ADAMTS9: variants seen among roughly 807,000 people sequenced by gnomAD.
ADAMTS9 encodes the protein A disintegrin and metalloproteinase with thrombospondin motifs 9.
ADAMTS9 carries 107 observed loss-of-function variants against 257.1 expected under a neutral mutation model. The ratio of observed to expected loss-of-function variants is 0.42; its 90% CI spans 0.36 to 0.49. ADAMTS9 has a LOEUF of 0.49. Ranked by LOEUF, ADAMTS9 falls within the 20% of genes least tolerant of loss-of-function variation. The pLI, the probability that ADAMTS9 is intolerant of heterozygous loss-of-function variation, is 0.03. For synonymous variants in ADAMTS9, 982 were observed against 880.9 expected (o/e 1.11, Z -2.03); for missense variants, 2,353 against 2,469.1 (o/e 0.95, Z 1.00).
chr3:64,529,659 G>C (rs2082952227), intron 38 of ADAMTS9, among the ~76,000 whole-genome samples: 1 of 152,304 alleles, frequency 6.6e-6, no homozygotes, highest in Middle Eastern at 3.4e-3. Context: ...TTATTTGGGG[G>C]AAATTACAAG....
chr3:64,546,459 C>A (rs1021040064), intron 32 of ADAMTS9, among the ~76,000 whole-genome samples: 7 of 152,160 alleles, frequency 4.6e-5, no homozygotes, highest in Admixed American at 6.5e-5. Context: ...ACCAGTTTTG[C>A]AGATGAGAAA....
intron 3 of ADAMTS9, among the ~76,000 whole-genome samples, chr3:64,664,938 C>T (rs1458549432): frequency 6.6e-6 from 1 of 152,042 alleles, no homozygotes; most frequent in Non-Finnish European, 1.5e-5. Context: ...TTTCATGTTT[C>T]TTTTTCTTTG....
intron 19 of ADAMTS9, among the ~76,000 whole-genome samples, chr3:64,617,208 T>C (rs764030091): frequency 3.9e-5 from 6 of 152,204 alleles, no homozygotes; most frequent in Non-Finnish European, 5.9e-5. Flanking sequence ...TGTGGCCCAA[T>C]TTAACAGAAG....
chr3:64,683,566 G>A (rs1701812443), intron 2 of ADAMTS9, among the ~76,000 whole-genome samples: 1 of 152,130 alleles, frequency 6.6e-6, no homozygotes, highest in African/African-American at 2.4e-5. Context: ...TGGGTTCTTG[G>A]AGGATTTGGA....
At chr3:64,668,657 T>C (rs1701407932) in intron 3 of ADAMTS9, among the ~76,000 whole-genome samples, 1 of 152,162 alleles carries the variant, frequency 6.6e-6, no homozygotes, top group African/African-American at 2.4e-5. Flanking sequence ...TAGGAAGTCC[T>C]CTGGAGGCAC....
intron 39 of ADAMTS9, among the ~76,000 whole-genome samples, chr3:64,518,405 G>T (rs1410532546): frequency 6.6e-6 from 1 of 152,140 alleles, no homozygotes; most frequent in Non-Finnish European, 1.5e-5. Flanking sequence ...TGGGTCACAT[G>T]AATTGGTTGA....
At chr3:64,589,701 C>A (rs2084223617) in intron 28 of ADAMTS9, 1 of 152,126 alleles carries the variant, frequency 6.6e-6, no homozygotes, top group Non-Finnish European at 1.5e-5. Flanking sequence ...ACCATAATAA[C>A]CTATACTGCA....
Position 64,615,491 on chromosome 3 carries a change from G to A in ADAMTS9, c.3025-6C>T. ...CCGTCACAGCTTTTTGAACACTGTA[G>A]GGACAAAATAAATAAATAAAACTGT... is the stretch of plus-strand genomic sequence containing the variant. On this transcript the variant is annotated splice_polypyrimidine_tract_variant and splice_region_variant and intron_variant, in intron 20 of 39. Coordinates refer to ENST00000498707, the MANE Select transcript of ADAMTS9 (RefSeq NM_182920.2). 1 of 1,598,556 alleles carries A rather than the reference G, an allele frequency of 6.3e-7. No homozygotes were observed. Among genetic ancestry groups the A allele is most frequent in the Non-Finnish European group, 8.5e-7 (1 of 1,175,036 alleles).
chr3:64,648,977 C>T (rs371074959), intron 10 of ADAMTS9, among the ~76,000 whole-genome samples: 22 of 152,254 alleles, frequency 1.4e-4, no homozygotes, highest in Middle Eastern at 3.4e-3. Flanking sequence ...TCTCTGAAGA[C>T]ACTCCCAGCA....
At chr3:64,589,108 C>CA (rs1203691932) in intron 28 of ADAMTS9, 1 of 152,106 alleles carries the variant, frequency 6.6e-6, no homozygotes, top group African/African-American at 2.4e-5. Context: ...TCCTTATAGT[C>CA]AAAATCTTGA....
chr3:64,561,066 T>C (rs1216282914), intron 30 of ADAMTS9, among the ~76,000 whole-genome samples: 1 of 72,122 alleles, frequency 1.4e-5, no homozygotes, highest in African/African-American at 8.7e-5. Context: ...GATACCATCC[T>C]TTTTTTTTTT....
In ADAMTS9 at chr3:64,541,893, T is replaced by C. The variant is rs370145122; in HGVS notation, c.5142A>G (p.Leu1714=). Residue 1714 remains leucine, a synonymous_variant, in exon 33 of 40, where the codon TTA becomes TTG. Coordinates refer to ENST00000498707, the MANE Select transcript of ADAMTS9 (RefSeq NM_182920.2). ...CLTNEDQPSH[L]CHTDLKPEER... is the part of the protein sequence containing the mutation. ...CTTCTGGCTTCAGATCAGTGTGGCA[T>C]AAGTGGCTGGGTTGGTCCTCATTGG... 9.9e-6 allele frequency: 16 copies of C among 1,614,182 alleles called. No individual in the cohort carries two copies. The highest frequency in any genetic ancestry group is 8.8e-5 in the South Asian group (8 of 91,082).
At chr3:64,599,719 A>AC (rs2084424628) in intron 26 of ADAMTS9, among the ~76,000 whole-genome samples, 1 of 152,168 alleles carries the variant, frequency 6.6e-6, no homozygotes, top group South Asian at 2.1e-4. Flanking sequence ...TCCCTTAGTT[A>AC]CCCCTCTATC....
Position 64,686,596 on chromosome 3 carries a change from G to A in ADAMTS9, c.488C>T (p.Thr163Met), listed in dbSNP as rs1362160149. 5 of 1,612,448 alleles carry A rather than the reference G, an allele frequency of 3.1e-6. No homozygotes were observed. Among genetic ancestry groups the A allele is most frequent in the Non-Finnish European group, 4.2e-6 (5 of 1,179,422 alleles). The stretch of plus-strand genomic sequence containing the variant: ...TCCTGAGCAGAGGCTGATGACGGCC[G>A]TGTGCTCGGAGTTGGTATTGACATA... ...KGYVNTNSEH[T>M]AVISLCSGML... Residue 163 changes from threonine (T) to methionine (M), a missense_variant, in exon 2 of 40, where the codon ACG (threonine) becomes ATG (methionine). This residue lies in a region of ADAMTS9 where 591 missense variants were observed against 569.6 expected (regional missense o/e 1.04). Coordinates refer to ENST00000498707, the MANE Select transcript of ADAMTS9 (RefSeq NM_182920.2). The surrounding 1 kb of genome is among the most constrained non-coding windows in gnomAD (Gnocchi z 4.6).
intron 3 of ADAMTS9, among the ~76,000 whole-genome samples, chr3:64,677,882 A>T (rs1701660689): frequency 6.6e-6 from 1 of 152,254 alleles, no homozygotes. Context: ...GCATGAATGA[A>T]GAAACGGAAC....
chr3:64,682,214 G>T (rs1048807728), intron 2 of ADAMTS9, among the ~76,000 whole-genome samples: 5 of 152,166 alleles, frequency 3.3e-5, no homozygotes, highest in Non-Finnish European at 7.3e-5. Flanking sequence ...AAGCTTCCTT[G>T]TTCGTCAGCT....
chr3:64,638,889 C>T (rs141122100), intron 12 of ADAMTS9, among the ~76,000 whole-genome samples: 2 of 152,028 alleles, frequency 1.3e-5, no homozygotes, highest in African/African-American at 4.8e-5. Context: ...AAAAAAAATC[C>T]AGTGTCCTTA....
At chr3:64,666,054 T>TA (rs553646630) in intron 3 of ADAMTS9, among the ~76,000 whole-genome samples, 230 of 152,246 alleles carry the variant, frequency 1.5e-3, no homozygotes, top group Middle Eastern at 3.4e-3. Context: ...TCCAATCTTT[T>TA]AAAAAAAGGA....
chr3:64,628,249 A>G (rs1363011721), intron 16 of ADAMTS9, among the ~76,000 whole-genome samples: 1 of 152,204 alleles, frequency 6.6e-6, no homozygotes, highest in Non-Finnish European at 1.5e-5. Context: ...CTGAATAATA[A>G]AAGGTTATCA....
Sources: allele counts gnomAD v4.1 joint callset (sites outside exome capture counted in the v4.1 genomes callset), GRCh38; gene constraint gnomAD v4.1.1; regional missense constraint gnomAD v4.1.1; non-coding constraint Gnocchi (gnomAD v3.1); transcripts MANE v1.5; gene names NCBI Gene and HGNC (gene_info 2026-07-23, HGNC 2026-07-21).